The following TFB1M variants were observed in gnomAD, a reference collection of about 807,000 sequenced individuals.
TFB1M encodes the protein transcription factor B1, mitochondrial, also known as dimethyladenosine transferase 1, mitochondrial.
Under a neutral mutation model 31.1 loss-of-function variants are expected in TFB1M, and 27 were observed. The observed-to-expected ratio is 0.87, with a 90% CI of 0.64 to 1.20. The LOEUF is 1.20. Among genes scored for constraint, TFB1M ranks in the 50% most tolerant of loss-of-function variants. The pLI is 0.00. For missense variants in TFB1M, 394 were observed against 418.7 expected (o/e 0.94, Z 0.51); for synonymous variants, 166 against 151.8 (o/e 1.09, Z -0.69).
chr6:155,245,737 T>C, the TFB1M span: 1 of 1,558,090 alleles, frequency 6.4e-7, no homozygotes, highest in Non-Finnish European at 8.7e-7. Context: ...GCGAGGTAAG[T>C]TGCTTATGCC....
chr6:155,260,529 G>A (rs905276173), intron 5 of TFB1M, 129 bp from the exon 6 acceptor site: 8 of 1,227,498 alleles, frequency 6.5e-6, no homozygotes, highest in South Asian at 6.3e-5. Context: ...ACCTTTCCAC[G>A]TACTTCGGTT....
Position 155,298,578 on chromosome 6 carries a change from G to C in TFB1M, c.293C>G (p.Ser98Cys), listed in dbSNP as rs1418139597. 2 of 1,606,532 alleles carry C rather than the reference G, an allele frequency of 1.2e-6. No homozygotes were observed. Among genetic ancestry groups the C allele is most frequent in the Non-Finnish European group, 1.7e-6 (2 of 1,173,444 alleles). Residue 98 changes from serine to cysteine, a missense_variant, in exon 3 of 7, where the codon TCT (serine) becomes TGT (cysteine). Physicochemically the swap from Ser to Cys is moderately radical, Grantham distance 112. This residue lies in a region of TFB1M where 273 missense variants were observed against 256.4 expected (regional missense o/e 1.06). Transcript: ENST00000367166. ...TCTCAGTTTCCCAGGTGCTGCATCA[G>C]AAAGCATCTAGTTTATAAAAAGATC... Reference protein sequence around the residue: ...TRFIPGLQMLSDAAPGKLRIV... With the variant: ...TRFIPGLQMLCDAAPGKLRIV...
At chr6:155,261,799 T>A (rs1258514384) in intron 5 of TFB1M, among the ~76,000 whole-genome samples, 1 of 152,182 alleles carries the variant, frequency 6.6e-6, no homozygotes, top group Non-Finnish European at 1.5e-5. Flanking sequence ...TGGCGCATGC[T>A]GAGAATGTGC....
chr6:155,234,173 A>C, the TFB1M span, among the ~76,000 whole-genome samples: 2 of 152,084 alleles, frequency 1.3e-5, no homozygotes, highest in Admixed American at 6.5e-5. Flanking sequence ...ATTGCTACAA[A>C]CTGGAAAAAA....
Position 155,282,063 on chromosome 6 carries a change from T to G in TFB1M, c.666+3095A>C, listed in dbSNP as rs324349. On this transcript the variant is annotated intron_variant, in intron 5 of 6. Coordinates refer to ENST00000367166, the MANE Select transcript of TFB1M (RefSeq NM_016020.4). ...ATTGCAAAAGACATTGTCTTGTAAATGTAAATAATTTCATTAACAGTGAAA... is the reference window on the plus strand; with the variant it reads ...ATTGCAAAAGACATTGTCTTGTAAAGGTAAATAATTTCATTAACAGTGAAA... 7.3e-3 allele frequency among the ~76,000 whole-genome samples: 1,108 copies of G among 152,118 alleles called. 20 individuals carry two copies. The highest frequency in any genetic ancestry group is 0.026 in the African/African-American group (1,063 of 41,508).
At chr6:155,260,804 G>A in intron 5 of TFB1M, 1 of 330,678 alleles carries the variant, frequency 3.0e-6, no homozygotes, top group East Asian at 8.0e-5. Flanking sequence ...AGAGATGGCA[G>A]ACAGGCCCCC....
At chr6:155,294,962 C>A (rs987807718) in intron 4 of TFB1M, among the ~76,000 whole-genome samples, 1 of 152,190 alleles carries the variant, frequency 6.6e-6, no homozygotes, top group African/African-American at 2.4e-5. Context: ...TATATAGCTA[C>A]CTAAATAAAC....
chr6:155,230,886 T>C, the TFB1M span, among the ~76,000 whole-genome samples: 1 of 150,184 alleles, frequency 6.7e-6, no homozygotes, highest in African/African-American at 2.4e-5. Flanking sequence ...CAGGCTGGAG[T>C]ACAGTGGAAC....
chr6:155,286,589 A>G (rs1776660342), intron 4 of TFB1M, among the ~76,000 whole-genome samples: 1 of 145,494 alleles, frequency 6.9e-6, no homozygotes, highest in Non-Finnish European at 1.5e-5. Flanking sequence ...GTATATGTAT[A>G]TGTGTGTATA....
At chr6:155,285,628 A>C (rs1776593529) in intron 4 of TFB1M, among the ~76,000 whole-genome samples, 1 of 152,266 alleles carries the variant, frequency 6.6e-6, no homozygotes, top group African/African-American at 2.4e-5. Flanking sequence ...ATTAGCAAGC[A>C]TAATGAAAAA....
At chr6:155,235,973 TA>T in the TFB1M span, among the ~76,000 whole-genome samples, 1 of 152,310 alleles carries the variant, frequency 6.6e-6, no homozygotes, top group African/African-American at 2.4e-5. Flanking sequence ...GATCTTATTT[TA>T]TACAGTATAT....
chr6:155,246,069 GTTT>G, the TFB1M span, among the ~76,000 whole-genome samples: 1 of 142,362 alleles, frequency 7.0e-6, no homozygotes, highest in African/African-American at 2.6e-5. Context: ...ATGCTATGGT[GTTT>G]TTTTTTTTTT....
intron 4 of TFB1M, among the ~76,000 whole-genome samples, chr6:155,290,223 A>G (rs1334942476): frequency 6.6e-6 from 1 of 151,862 alleles, no homozygotes; most frequent in Non-Finnish European, 1.5e-5. Flanking sequence ...CGTCTCTACT[A>G]AAAATGCAAA....
At chr6:155,307,132 CACAT>C (rs1360998285) in intron 2 of TFB1M, among the ~76,000 whole-genome samples, 7 of 85,618 alleles carry the variant, frequency 8.2e-5, no homozygotes, top group Non-Finnish European at 1.3e-4. Context: ...ATGTCTCAAA[CACAT>C]ACACACACAC....
intron 5 of TFB1M, among the ~76,000 whole-genome samples, chr6:155,274,948 G>A (rs1446686359): frequency 1.3e-5 from 2 of 152,170 alleles, no homozygotes; most frequent in African/African-American, 2.4e-5. Flanking sequence ...GCGAGGCGTG[G>A]TGGCTCACGC....
chr6:155,295,531 GT>G, intron 4 of TFB1M, among the ~76,000 whole-genome samples: 1 of 152,120 alleles, frequency 6.6e-6, no homozygotes, highest in Non-Finnish European at 1.5e-5. Flanking sequence ...GGTCTCAAAG[GT>G]ACTAGTGATT....
intron 5 of TFB1M, among the ~76,000 whole-genome samples, chr6:155,262,511 C>A (rs1410047785): frequency 2.0e-5 from 3 of 152,160 alleles, no homozygotes; most frequent in Non-Finnish European, 2.9e-5. Context: ...TCTCCTGTAA[C>A]CCTTCAACTC....
chr6:155,296,835 TTG>T, intron 4 of TFB1M, 116 bp downstream of exon 4: 1 of 987,294 alleles, frequency 1.0e-6, no homozygotes, highest in Non-Finnish European at 1.6e-6. Flanking sequence ...TGCTGGGTTC[TTG>T]TGTGTGTAAT....
intron 5 of TFB1M, 61 bp downstream of exon 5, chr6:155,285,097 C>G: frequency 6.2e-7 from 1 of 1,602,080 alleles, no homozygotes; most frequent in South Asian, 1.1e-5. Context: ...TCCTATGACA[C>G]ATCCTCAGGG....
Sources: allele counts gnomAD v4.1 joint callset (sites outside exome capture counted in the v4.1 genomes callset), GRCh38; gene constraint gnomAD v4.1.1; regional missense constraint gnomAD v4.1.1; transcripts MANE v1.5; gene names NCBI Gene and HGNC (gene_info 2026-07-23, HGNC 2026-07-21).